The following EPHA6 variants were observed in gnomAD, a reference collection of about 807,000 sequenced individuals.
The protein encoded by EPHA6 is ephrin type-A receptor 6.
EPHA6 carries 50 observed loss-of-function variants against 112.0 expected under a neutral mutation model. The observed-to-expected ratio is 0.45, with a 90% CI of 0.36 to 0.56. The LOEUF is 0.56. EPHA6 is among the 20% of genes least tolerant of loss of function. EPHA6 has a pLI of 0.00. For synonymous variants in EPHA6, 529 were observed against 490.7 expected (o/e 1.08, Z -1.03); for missense variants, 1,280 against 1,417.4 (o/e 0.90, Z 1.56).
chr3:97,058,215 A>T (rs868409507), intron 3 of EPHA6, among the ~76,000 whole-genome samples: 27 of 152,066 alleles, frequency 1.8e-4, no homozygotes, highest in East Asian at 7.7e-4. Context: ...ATGTGAAAAA[A>T]ATATATATAT....
At chr3:97,131,172 T>C (rs1365487512) in intron 3 of EPHA6, among the ~76,000 whole-genome samples, 1 of 152,108 alleles carries the variant, frequency 6.6e-6, no homozygotes, top group Non-Finnish European at 1.5e-5. Context: ...GCTTAATTTT[T>C]AGATATATAA....
chr3:97,658,691 C>T (rs1178680730), intron 14 of EPHA6, among the ~76,000 whole-genome samples: 6 of 151,778 alleles, frequency 4.0e-5, no homozygotes, highest in African/African-American at 1.2e-4. Context: ...CCCCCTTGTT[C>T]GAAGGTGAAA....
chr3:97,732,261 C>T (rs1268385066), intron 15 of EPHA6, among the ~76,000 whole-genome samples: 1 of 151,388 alleles, frequency 6.6e-6, no homozygotes, highest in African/African-American at 2.4e-5. Context: ...CATCTCCTTT[C>T]CTCAACCCAC....
At chr3:97,727,544 A>G (rs2034829396) in intron 15 of EPHA6, among the ~76,000 whole-genome samples, 1 of 151,902 alleles carries the variant, frequency 6.6e-6, no homozygotes, top group South Asian at 2.1e-4. Flanking sequence ...GTCATTTCCA[A>G]TTTTTGTCTC....
At chr3:97,283,950 T>C (rs2080377156) in intron 5 of EPHA6, among the ~76,000 whole-genome samples, 1 of 152,154 alleles carries the variant, frequency 6.6e-6, no homozygotes, top group Admixed American at 6.5e-5. Flanking sequence ...CAACTATATC[T>C]TTACCTAGAA....
intron 2 of EPHA6, among the ~76,000 whole-genome samples, chr3:96,929,364 C>A (rs1182412556): frequency 6.6e-6 from 1 of 152,178 alleles, no homozygotes; most frequent in African/African-American, 2.4e-5. Flanking sequence ...TTAATATTGG[C>A]TGCTAATGGT....
At chr3:96,891,353 A>G (rs900811080) in intron 2 of EPHA6, among the ~76,000 whole-genome samples, 2 of 152,248 alleles carry the variant, frequency 1.3e-5, no homozygotes, top group Admixed American at 1.3e-4. Flanking sequence ...ATACAGTGTG[A>G]TTCCACGTAT....
intron 14 of EPHA6, among the ~76,000 whole-genome samples, chr3:97,666,613 C>T (rs2030141879): frequency 6.6e-6 from 1 of 152,168 alleles, no homozygotes; most frequent in Non-Finnish European, 1.5e-5. Flanking sequence ...TTTCCCATTT[C>T]ATAAGGACAC....
chr3:97,497,275 G>A (rs1314638638), intron 10 of EPHA6, among the ~76,000 whole-genome samples: 1 of 152,082 alleles, frequency 6.6e-6, no homozygotes, highest in African/African-American at 2.4e-5. Context: ...TGGCAACAAT[G>A]GTGTCATTCT....
intron 3 of EPHA6, among the ~76,000 whole-genome samples, chr3:97,177,014 A>T (rs947339602): frequency 5.3e-5 from 8 of 151,658 alleles, no homozygotes; most frequent in Non-Finnish European, 1.0e-4. Flanking sequence ...TGATGTAGGC[A>T]CTTGTAGCTA....
In EPHA6 at chr3:97,757,694, A is replaced by T. The variant is rs1416288028; in HGVS notation, c.*8993A>T. The stretch of plus-strand genomic sequence containing the variant: ...AAGCAGTTATATTAATTTTACACAT[A>T]CTCTTAAATGCTTAAAAACATAGTA... On this transcript the variant is annotated 3_prime_UTR_variant, in exon 18 of 18. Coordinates refer to ENST00000389672, the MANE Select transcript of EPHA6 (RefSeq NM_001080448.3). Among the ~76,000 whole-genome samples, 1 of 151,620 alleles carries T rather than the reference A, an allele frequency of 6.6e-6. No individual in the cohort carries two copies. The highest frequency in any genetic ancestry group is 2.4e-5 in the African/African-American group (1 of 41,288).
intron 5 of EPHA6, among the ~76,000 whole-genome samples, chr3:97,392,653 G>A (rs1425576493): frequency 1.3e-5 from 2 of 151,584 alleles, no homozygotes; most frequent in Non-Finnish European, 3.0e-5. Context: ...AAATTTGCAT[G>A]TAAAGCTTTA....
intron 3 of EPHA6, among the ~76,000 whole-genome samples, chr3:97,198,477 G>A (rs1341082637): frequency 6.6e-6 from 1 of 151,966 alleles, no homozygotes; most frequent in East Asian, 1.9e-4. Context: ...GTCCCTCCCA[G>A]TTACTACAGA....
At chr3:97,342,246 AT>A (rs964393594) in intron 5 of EPHA6, among the ~76,000 whole-genome samples, 1 of 152,198 alleles carries the variant, frequency 6.6e-6, no homozygotes, top group Non-Finnish European at 1.5e-5. Flanking sequence ...TCTGATTCCA[AT>A]TTTTAAGTAC....
chr3:97,554,842 A>T (rs1427309897), intron 11 of EPHA6, among the ~76,000 whole-genome samples: 1 of 151,986 alleles, frequency 6.6e-6, no homozygotes, highest in African/African-American at 2.4e-5. Context: ...TTTGACATCT[A>T]AGACTTGCTA....
At position 97,282,097 on chromosome 3, in the gene EPHA6, C is replaced by G. The variant is rs1193966831; in HGVS notation, c.1606+37810C>G. Among the ~76,000 whole-genome samples, 3 of 152,078 alleles carry G rather than the reference C, an allele frequency of 2.0e-5. No individual in the cohort carries two copies. In the East Asian group the frequency reaches 5.8e-4, roughly 29 times the overall value. On this transcript the variant is annotated intron_variant, in intron 5 of 17. Transcript: ENST00000389672. ...GCAGTTCAGTAATTGAACACATTGCCCTTTAAAATTACATTCCTTATAATA... is the reference window on the plus strand; with the variant it reads ...GCAGTTCAGTAATTGAACACATTGCGCTTTAAAATTACATTCCTTATAATA...
intron 9 of EPHA6, 56 bp from the exon 10 acceptor site, chr3:97,483,878 A>T: frequency 2.0e-6 from 3 of 1,530,558 alleles, no homozygotes; most frequent in Non-Finnish European, 2.6e-6. Flanking sequence ...TGTTCACAAG[A>T]TATAGACCAC....
chr3:97,593,770 T>C (rs1375236140), intron 12 of EPHA6, among the ~76,000 whole-genome samples: 1 of 152,238 alleles, frequency 6.6e-6, no homozygotes, highest in Non-Finnish European at 1.5e-5. Context: ...AATTGAAACA[T>C]ATAAATATGC....
chr3:97,566,461 T>G (rs1283347764), intron 11 of EPHA6, among the ~76,000 whole-genome samples: 1 of 152,206 alleles, frequency 6.6e-6, no homozygotes, highest in African/African-American at 2.4e-5. Flanking sequence ...CTGCTAAAAA[T>G]CATATACTTG....
Sources: allele counts gnomAD v4.1 joint callset (sites outside exome capture counted in the v4.1 genomes callset), GRCh38; gene constraint gnomAD v4.1.1; transcripts MANE v1.5; gene names NCBI Gene and HGNC (gene_info 2026-07-23, HGNC 2026-07-21).